Variants in ASCC3 observed in about 807,000 individuals in gnomAD.
ASCC3 encodes activating signal cointegrator 1 complex subunit 3, also known as ASC-1 complex subunit P200.
Under a neutral mutation model 256.3 loss-of-function variants are expected in ASCC3, and 158 were observed. The ratio of observed to expected loss-of-function variants is 0.62; its 90% CI spans 0.54 to 0.70. The LOEUF is 0.70. ASCC3 is among the 30% of genes least tolerant of loss of function. The probability of loss-of-function intolerance (pLI) is 0.00; values close to 1 mark genes in which losing one functional copy is unlikely to be tolerated. For synonymous variants in ASCC3, 948 were observed against 883.4 expected, an observed-to-expected ratio of 1.07 and a Z score of -1.30; for missense variants, 2,259 against 2,626.0, an observed-to-expected ratio of 0.86 and a Z score of 3.05.
intron 36 of ASCC3, among the ~76,000 whole-genome samples, chr6:100,549,055 T>C (rs1356535098): frequency 6.6e-6 from 1 of 151,924 alleles, no homozygotes; most frequent in Non-Finnish European, 1.5e-5. Flanking sequence ...CTTTGTGTAA[T>C]GTAGGCACCT....
In ASCC3 at chr6:100,759,023, G is replaced by A. The variant is rs563958247; in HGVS notation, c.1737+7542C>T. Among the ~76,000 whole-genome samples the A allele has an allele frequency of 2.6e-4, 39 of 152,156 alleles. No individual in the cohort carries two copies. In the East Asian group the frequency reaches 2.9e-3, roughly 11 times the overall value. On this transcript the variant is annotated intron_variant, in intron 10 of 41. Transcript: ENST00000369162. ...TTGAGCTGTTTTACATATGTTTGTC[G>A]TCCACATAAATGTCTTCTTTTGAGA...
At chr6:100,661,661 C>T in intron 16 of ASCC3, 145 bp downstream of exon 16, 1 of 762,654 alleles carries the variant, frequency 1.3e-6, no homozygotes. Context: ...ACAATAATGC[C>T]ATTCACCCTG....
chr6:100,638,919 C>T (rs1774978548), intron 24 of ASCC3, 98 bp from the exon 25 acceptor site: 4 of 1,058,852 alleles, frequency 3.8e-6, no homozygotes, highest in Non-Finnish European at 5.7e-6. Flanking sequence ...TCCTTAGTTC[C>T]TTAGACAAGG....
At chr6:100,701,395 G>A (rs1778344602) in intron 13 of ASCC3, among the ~76,000 whole-genome samples, 1 of 152,046 alleles carries the variant, frequency 6.6e-6, no homozygotes, top group Non-Finnish European at 1.5e-5. Context: ...TGTAAGATGT[G>A]ACTTGCTCCT....
chr6:100,656,290 T>C (rs561622195), intron 16 of ASCC3, among the ~76,000 whole-genome samples: 196 of 151,794 alleles, frequency 1.3e-3, no homozygotes, highest in African/African-American at 4.7e-3. Flanking sequence ...ACAGAGGGGA[T>C]AACATTAGCT....
At chr6:100,880,759 A>C (rs1396912264) in intron 1 of ASCC3, among the ~76,000 whole-genome samples, 1 of 152,204 alleles carries the variant, frequency 6.6e-6, no homozygotes, top group Admixed American at 6.5e-5. Context: ...CAAATTACCC[A>C]TGCATGGGAC....
intron 4 of ASCC3, among the ~76,000 whole-genome samples, chr6:100,808,991 T>TA (rs974801048): frequency 4.6e-5 from 7 of 151,794 alleles, no homozygotes; most frequent in African/African-American, 1.5e-4. Context: ...GTACAAAAGA[T>TA]AAAAAATGGT....
intron 4 of ASCC3, among the ~76,000 whole-genome samples, chr6:100,808,788 A>G (rs1770314775): frequency 6.6e-6 from 1 of 151,970 alleles, no homozygotes; most frequent in Non-Finnish European, 1.5e-5. Context: ...GGAACATCAT[A>G]GAGTGTAATT....
chr6:100,711,502 G>A (rs1159934903), intron 13 of ASCC3, among the ~76,000 whole-genome samples: 1 of 152,178 alleles, frequency 6.6e-6, no homozygotes, highest in African/African-American at 2.4e-5. Flanking sequence ...CAAGGTGGGT[G>A]GATCACCTGA....
intron 10 of ASCC3, among the ~76,000 whole-genome samples, chr6:100,741,520 A>G (rs1010249981): frequency 2.6e-5 from 4 of 152,164 alleles, no homozygotes; most frequent in Non-Finnish European, 4.4e-5. Context: ...AGGTACCCCA[A>G]TCAGTCGTAG....
chr6:100,638,884 T>C (rs1774977030), intron 24 of ASCC3, 63 bp from the exon 25 acceptor site: 5 of 1,271,050 alleles, frequency 3.9e-6, no homozygotes, highest in Non-Finnish European at 5.7e-6. Flanking sequence ...CTGAATACTG[T>C]ATTATAAATA....
At chr6:100,643,745 T>C (rs1349069457) in intron 23 of ASCC3, among the ~76,000 whole-genome samples, 1 of 152,132 alleles carries the variant, frequency 6.6e-6, no homozygotes, top group Non-Finnish European at 1.5e-5. Context: ...AGTATTATAA[T>C]CTTATGGGAC....
chr6:100,856,297 T>C (rs1772935860), intron 3 of ASCC3: 1 of 628,206 alleles, frequency 1.6e-6, no homozygotes, highest in Non-Finnish European at 2.0e-6. Context: ...AATATAAAAA[T>C]AGGCATGAGA....
chr6:100,585,765 A>G (rs1262240246), intron 36 of ASCC3, among the ~76,000 whole-genome samples: 1 of 152,096 alleles, frequency 6.6e-6, no homozygotes, highest in East Asian at 1.9e-4. Flanking sequence ...TTTGGTATGG[A>G]TGTCCTTTCT....
intron 36 of ASCC3, among the ~76,000 whole-genome samples, chr6:100,572,486 T>C (rs1770643298): frequency 6.6e-6 from 1 of 152,176 alleles, no homozygotes; most frequent in Non-Finnish European, 1.5e-5. Flanking sequence ...GTATGAGGAC[T>C]ACTGGTGGTC....
intron 37 of ASCC3, among the ~76,000 whole-genome samples, chr6:100,532,407 T>TATATATA (rs1491547066): frequency 1.1e-4 from 4 of 36,412 alleles, no homozygotes; most frequent in Non-Finnish European, 1.5e-4. Context: ...TATATATATA[T>TATATATA]TTTTTTTTTT....
intron 8 of ASCC3, among the ~76,000 whole-genome samples, chr6:100,790,571 T>C (rs1769305440): frequency 1.3e-5 from 2 of 152,006 alleles, no homozygotes; most frequent in African/African-American, 4.8e-5. Context: ...CACTGATATA[T>C]TGAAAGACAT....
At chr6:100,798,664 C>A (rs762604620) in intron 8 of ASCC3, 49 bp downstream of exon 8, 159 of 1,607,444 alleles carry the variant, frequency 9.9e-5, no homozygotes, top group Non-Finnish European at 1.2e-4. Context: ...TTCATTCATA[C>A]CGCATACCAA....
At chr6:100,618,527 T>C (rs1773779360) in intron 30 of ASCC3, among the ~76,000 whole-genome samples, 1 of 152,214 alleles carries the variant, frequency 6.6e-6, no homozygotes, top group Non-Finnish European at 1.5e-5. Flanking sequence ...CACAGTGTTT[T>C]ATGCAATAGG....
Sources: allele counts gnomAD v4.1 joint callset (sites outside exome capture counted in the v4.1 genomes callset), GRCh38; gene constraint gnomAD v4.1.1; transcripts MANE v1.5; gene names NCBI Gene and HGNC (gene_info 2026-07-23, HGNC 2026-07-21).